The following UBE2F variants were observed in gnomAD, a reference collection of about 807,000 sequenced individuals.
The protein encoded by UBE2F is NEDD8-conjugating enzyme UBE2F.
A neutral mutation model predicts 29.6 loss-of-function variants in UBE2F; 5 were observed. The observed-to-expected ratio is 0.17, with a 90% confidence interval of 0.09 to 0.36. The LOEUF is 0.36. UBE2F is among the 10% of genes least tolerant of loss of function. The probability of loss-of-function intolerance (pLI) is 1.00; values close to 1 mark genes in which losing one functional copy is unlikely to be tolerated. For synonymous variants in UBE2F, 66 were observed against 81.8 expected (o/e 0.81, Z 1.04); for missense variants, 141 against 228.5 (o/e 0.62, Z 2.47).
At position 238,042,777 on chromosome 2, in the gene UBE2F, C is replaced by T. The variant is rs1464868592; in HGVS notation, c.*1439C>T. ...TGTAGGCCTTGCTTCCTCTTTGCAC[C>T]CATTAGACTTGAGGGTGGCCCCTGG... is the stretch of plus-strand genomic sequence containing the variant. On this transcript the variant is annotated 3_prime_UTR_variant, in exon 10 of 10. Coordinates refer to ENST00000272930, the MANE Select transcript of UBE2F (RefSeq NM_080678.3). The T allele has an allele frequency of 6.6e-6, 1 of 152,196 alleles. No individual in the cohort carries two copies. Among genetic ancestry groups the T allele is most frequent in the Non-Finnish European group, 1.5e-5 (1 of 68,056 alleles). 9.4% of individuals were successfully genotyped at this position (152,196 alleles called of 1,614,324 possible).
intron 4 of UBE2F, among the ~76,000 whole-genome samples, chr2:238,006,568 T>C (rs1009099834): frequency 6.6e-6 from 1 of 152,198 alleles, no homozygotes; most frequent in Admixed American, 6.5e-5. Context: ...AGTAGTTGTA[T>C]TGTGGATTCT....
At chr2:238,012,778 G>A (rs549828674) in intron 4 of UBE2F, among the ~76,000 whole-genome samples, 1 of 152,288 alleles carries the variant, frequency 6.6e-6, no homozygotes, top group Non-Finnish European at 1.5e-5. Context: ...CTAGGTGGAG[G>A]AAGGCACCAT....
chr2:238,036,859 A>G (rs2064723658), intron 9 of UBE2F, among the ~76,000 whole-genome samples: 1 of 152,030 alleles, frequency 6.6e-6, no homozygotes, highest in Admixed American at 6.6e-5. Context: ...AGAGAAGGAG[A>G]ATGGACGGTG....
intron 2 of UBE2F, among the ~76,000 whole-genome samples, chr2:237,978,209 TC>T (rs1182593473): frequency 6.6e-6 from 1 of 152,154 alleles, no homozygotes; most frequent in Non-Finnish European, 1.5e-5. Context: ...AGCCACCAAA[TC>T]CCTGAAAGGG....
At chr2:237,995,372 T>G (rs913648278) in intron 4 of UBE2F, among the ~76,000 whole-genome samples, 15 of 152,210 alleles carry the variant, frequency 9.9e-5, no homozygotes, top group Non-Finnish European at 1.5e-5. Context: ...TTCTTCTTGG[T>G]CAAAGTGACA....
At position 238,017,545 on chromosome 2, in the gene UBE2F, A is replaced by G. The variant is rs368277694; in HGVS notation, c.282+912A>G. Among the ~76,000 whole-genome samples the G allele has an allele frequency of 6.6e-5, 10 of 152,310 alleles. No homozygotes were observed. The East Asian group carries it at 1.9e-3, about 29-fold the overall frequency. On this transcript the variant is annotated intron_variant, in intron 5 of 9. Transcript: ENST00000272930. ...ATTTTCGATTTGGCAGTGACAAACC[A>G]CTGGAGAGTCTGAATAATTCCACAC...
At chr2:238,033,672 T>C (rs1385904380) in intron 8 of UBE2F, among the ~76,000 whole-genome samples, 1 of 152,200 alleles carries the variant, frequency 6.6e-6, no homozygotes, top group African/African-American at 2.4e-5. Flanking sequence ...TGTCTTTCTG[T>C]CAGATGTTAG....
Position 237,981,919 on chromosome 2 carries a change from A to G in UBE2F, c.119-6044A>G, listed in dbSNP as rs1402386949. ...TGGAATTATAGGCATGAGCGCTGGGAGAGAATTTTAAAAATTCAGAGACCT... is the reference window on the plus strand; with the variant it reads ...TGGAATTATAGGCATGAGCGCTGGGGGAGAATTTTAAAAATTCAGAGACCT... On this transcript the variant is annotated intron_variant, in intron 2 of 9. Transcript: ENST00000272930. Among the ~76,000 whole-genome samples, 3 of 152,194 alleles carry G rather than the reference A, an allele frequency of 2.0e-5. No individual in the cohort carries two copies. In the East Asian group the frequency reaches 5.8e-4, roughly 29 times the overall value.
Position 238,010,150 on chromosome 2 carries a change from GTAGA to G in UBE2F, c.215-6406_215-6403del, listed in dbSNP as rs143973599. On this transcript the variant is annotated intron_variant, in intron 4 of 9. Transcript: ENST00000272930. ...TACTCTTCTGTAACTAGATATACAG[GTAGA>G]TAGATAGATTGAGCTTTATTTATTT... Among the ~76,000 whole-genome samples, 347 of 151,996 alleles carry G rather than the reference GTAGA, an allele frequency of 2.3e-3. 4 individuals are homozygous for G. The East Asian group carries it at 0.062, about 27-fold the overall frequency.
chr2:238,029,563 T>C (rs1293762081), intron 6 of UBE2F, among the ~76,000 whole-genome samples: 2 of 146,902 alleles, frequency 1.4e-5, no homozygotes, highest in African/African-American at 5.1e-5. Context: ...GCCACTGCAC[T>C]CCAGCCTGGG....
chr2:238,019,919 A>G (rs958734316), intron 5 of UBE2F, among the ~76,000 whole-genome samples: 5 of 151,982 alleles, frequency 3.3e-5, no homozygotes, highest in South Asian at 2.1e-4. Context: ...TTGGCCTCCC[A>G]TAGTACTGGG....
chr2:238,016,623 A>T lies in UBE2F; in HGVS notation c.272A>T (p.Tyr91Phe). The change falls in exon 5 of 10, where the codon TAC (tyrosine) becomes TTC (phenylalanine). Residue 91 changes from tyrosine to phenylalanine, a missense_variant. Transcript: ENST00000272930. ...FQFETEVPDA[Y>F]NMVPPKVKCL... is the part of the protein sequence containing the mutation. The stretch of plus-strand genomic sequence containing the variant: ...TTTGAAACTGAAGTTCCCGATGCGT[A>T]CAACATGGTGGTGAGTAGCCTGCGT... The T allele has an allele frequency of 6.2e-7, 1 of 1,613,262 alleles. No homozygotes were observed. The highest frequency in any genetic ancestry group is 1.3e-5 in the African/African-American group (1 of 74,946).
chr2:237,994,932 T>C (rs765870210), intron 4 of UBE2F, 123 bp downstream of exon 4: 28 of 715,922 alleles, frequency 3.9e-5, no homozygotes, highest in Non-Finnish European at 6.7e-5. Flanking sequence ...TAATAACAAT[T>C]TCATATGAAG....
chr2:238,037,078 T>C (rs2106414943), intron 9 of UBE2F, among the ~76,000 whole-genome samples: 1 of 152,298 alleles, frequency 6.6e-6, no homozygotes, highest in East Asian at 1.9e-4. Flanking sequence ...GCTCCCCCTA[T>C]TCATTATTTT....
chr2:238,033,033 T>C (rs981216374), intron 8 of UBE2F, among the ~76,000 whole-genome samples: 3 of 152,162 alleles, frequency 2.0e-5, no homozygotes, highest in Non-Finnish European at 4.4e-5. Flanking sequence ...TACTCTGGGG[T>C]CACTTGGCCC....
chr2:238,036,045 TG>T (rs2064700823), intron 9 of UBE2F, 105 bp downstream of exon 9: 1 of 1,036,374 alleles, frequency 9.6e-7, no homozygotes, highest in African/African-American at 1.6e-5. Context: ...AAGAGAGTGG[TG>T]GGATGCAAGG....
At chr2:238,039,201 C>T (rs1382184246) in intron 9 of UBE2F, among the ~76,000 whole-genome samples, 1 of 152,250 alleles carries the variant, frequency 6.6e-6, no homozygotes, top group Non-Finnish European at 1.5e-5. Flanking sequence ...CGCCATTGCA[C>T]TCCTGCCTGG....
intron 3 of UBE2F, among the ~76,000 whole-genome samples, chr2:237,993,875 C>G (rs1419533280): frequency 6.6e-6 from 1 of 152,188 alleles, no homozygotes; most frequent in African/African-American, 2.4e-5. Flanking sequence ...CCTGCACCAG[C>G]AGCCAGTAGC....
In UBE2F at chr2:238,021,540, T is replaced by C. The variant is rs1186068181; in HGVS notation, c.283-3802T>C. Among the ~76,000 whole-genome samples the C allele has an allele frequency of 3.9e-5, 6 of 152,202 alleles. No homozygotes were observed. In the South Asian group the frequency reaches 1.2e-3, roughly 31 times the overall value. On this transcript the variant is annotated intron_variant, in intron 5 of 9. Coordinates refer to ENST00000272930, the MANE Select transcript of UBE2F (RefSeq NM_080678.3). ...AACTTGGGGCTTTCCCGTCATAATA[T>C]GATGGACGTACACATTCATGTCAGT...
Sources: allele counts gnomAD v4.1 joint callset (sites outside exome capture counted in the v4.1 genomes callset), GRCh38; gene constraint gnomAD v4.1.1; transcripts MANE v1.5; gene names NCBI Gene and HGNC (gene_info 2026-07-23, HGNC 2026-07-21).